CDK13: variants seen among roughly 807,000 people sequenced by gnomAD.
CDK13 encodes the protein cyclin-dependent kinase 13.
CDK13 carries 40 observed loss-of-function variants against 137.6 expected under a neutral mutation model. That is an observed-to-expected ratio of 0.29 (90% CI 0.23 to 0.38). The LOEUF (loss-of-function observed/expected upper bound fraction) is 0.38. Among genes scored for constraint, CDK13 ranks in the 10% least tolerant of loss-of-function variants. The pLI is 1.00. For missense variants in CDK13, 1,704 were observed against 1,951.8 expected, an observed-to-expected ratio of 0.87 and a Z score of 2.39; for synonymous variants, 869 against 760.1, an observed-to-expected ratio of 1.14 and a Z score of -2.36.
chr7:40,018,920 A>C (rs1277058698), intron 5 of CDK13, among the ~76,000 whole-genome samples: 1 of 152,234 alleles, frequency 6.6e-6, no homozygotes, highest in African/African-American at 2.4e-5. Context: ...AGGACTAGAT[A>C]TAGCTACAAG....
intron 7 of CDK13, 96 bp from the exon 8 acceptor site, chr7:40,062,730 A>T: frequency 1.2e-6 from 1 of 867,530 alleles, no homozygotes; most frequent in Non-Finnish European, 1.9e-6. Flanking sequence ...TTTAGTTAGG[A>T]TTATAGGGAT....
At chr7:40,051,669 A>G (rs545662223) in intron 7 of CDK13, among the ~76,000 whole-genome samples, 7 of 152,346 alleles carry the variant, frequency 4.6e-5, no homozygotes, top group South Asian at 4.1e-4. Context: ...CTGTAATAGC[A>G]TCAACCACAG....
chr7:40,044,786 A>G (rs1785698929), intron 5 of CDK13, among the ~76,000 whole-genome samples: 1 of 151,978 alleles, frequency 6.6e-6, no homozygotes. Flanking sequence ...ACAGGCATCC[A>G]CCACCATGCC....
intron 1 of CDK13, among the ~76,000 whole-genome samples, chr7:39,982,769 A>AT (rs1293122138): frequency 1.3e-5 from 2 of 152,312 alleles, no homozygotes; most frequent in African/African-American, 4.8e-5. Context: ...ATGGCCAGTG[A>AT]TGATGAGCAT....
At position 39,951,050 on chromosome 7, in the gene CDK13, G is replaced by T; in HGVS notation, c.409G>T (p.Gly137Cys). 7.8e-7 allele frequency: 1 copy of T among 1,283,912 alleles called. No homozygotes were observed. The highest frequency in any genetic ancestry group is 9.8e-7 in the Non-Finnish European group (1 of 1,017,526). 79.5% of individuals were successfully genotyped at this position (1,283,912 alleles called of 1,614,324 possible). The change falls in exon 1 of 14, where the codon GGC becomes TGC. Residue 137 changes from glycine to cysteine, a missense_variant. Physicochemically the swap from Gly to Cys is radical, Grantham distance 159. Coordinates refer to ENST00000181839, the MANE Select transcript of CDK13 (RefSeq NM_003718.5). ...QQDGGGGASS[G>C]GGVTPLVEYE... Reference sequence around the variant, plus strand: ...GGACGGCGGTGGCGGTGCTAGTAGCGGCGGGGGTGTGACCCCGCTGGTGGA... The same window carrying T: ...GGACGGCGGTGGCGGTGCTAGTAGCTGCGGGGGTGTGACCCCGCTGGTGGA...
intron 7 of CDK13, chr7:40,062,097 T>C (rs939872906): frequency 2.0e-5 from 3 of 152,214 alleles, no homozygotes; most frequent in African/African-American, 7.2e-5. Context: ...TTGAAAACTT[T>C]TGTTAGGTGG....
intron 7 of CDK13, among the ~76,000 whole-genome samples, chr7:40,055,816 A>G (rs1466054514): frequency 6.6e-6 from 1 of 152,142 alleles, no homozygotes; most frequent in Admixed American, 6.6e-5. Flanking sequence ...TCCTGGGCTC[A>G]AGCAATCCTT....
chr7:40,052,486 G>T (rs143744513), intron 7 of CDK13, among the ~76,000 whole-genome samples: 1 of 151,970 alleles, frequency 6.6e-6, no homozygotes, highest in Non-Finnish European at 1.5e-5. Flanking sequence ...CCTGAAAAAC[G>T]TATCTTTAAT....
chr7:40,060,299 A>C (rs1786113700), intron 7 of CDK13, among the ~76,000 whole-genome samples: 4 of 152,190 alleles, frequency 2.6e-5, no homozygotes, highest in Admixed American at 2.6e-4. Context: ...ATATTTTTTA[A>C]AGTAAAATAA....
At chr7:40,036,259 CTTAA>C (rs1785481073) in intron 5 of CDK13, among the ~76,000 whole-genome samples, 1 of 152,078 alleles carries the variant, frequency 6.6e-6, no homozygotes, top group South Asian at 2.1e-4. Context: ...AAATTTATCT[CTTAA>C]TTCAATTTAA....
intron 12 of CDK13, among the ~76,000 whole-genome samples, chr7:40,091,241 G>A (rs574895338): frequency 3.9e-5 from 6 of 152,298 alleles, no homozygotes; most frequent in Non-Finnish European, 7.4e-5. Flanking sequence ...CCAGCTACTC[G>A]GGAGGCTGAG....
chr7:39,977,654 A>G (rs1245972115), intron 1 of CDK13, among the ~76,000 whole-genome samples: 2 of 152,164 alleles, frequency 1.3e-5, no homozygotes, highest in Non-Finnish European at 2.9e-5. Context: ...ATATTTTGTG[A>G]TGGCTGGACA....
In CDK13 at chr7:40,010,774, T is replaced by C. The variant is rs536217943; in HGVS notation, c.2353+8743T>C. 5.3e-5 allele frequency among the ~76,000 whole-genome samples: 8 copies of C among 152,260 alleles called. No homozygotes were observed. The South Asian group carries it at 1.2e-3, about 24-fold the overall frequency. ...AACAGGCCACAGGCCAGTACTAGGA[T>C]TGGGGACCCCTGCACTAAAAAACTG... On this transcript the variant is annotated intron_variant, in intron 5 of 13. Transcript: ENST00000181839.
Position 40,094,776 on chromosome 7 carries a change from G to A in CDK13, c.4335G>A (p.Thr1445=), listed in dbSNP as rs779606280. 1.1e-5 allele frequency: 18 copies of A among 1,610,606 alleles called. No individual in the cohort carries two copies. The highest frequency in any genetic ancestry group is 2.7e-5 in the African/African-American group (2 of 74,808). ...AVLANSSDPS[T]GPESTHPLPA... is the part of the protein sequence containing the mutation. ...TGGCAAACAGCAGTGACCCTTCCAC[G>A]GGGCCAGAGAGTACTCATCCTTTGC... Residue 1445 remains threonine, a synonymous_variant, in exon 14 of 14, where the codon ACG becomes ACA. Coordinates refer to ENST00000181839, the MANE Select transcript of CDK13 (RefSeq NM_003718.5).
At chr7:40,030,104 C>T (rs1217096612) in intron 5 of CDK13, among the ~76,000 whole-genome samples, 1 of 152,150 alleles carries the variant, frequency 6.6e-6, no homozygotes, top group Non-Finnish European at 1.5e-5. Context: ...AGTAGCATCT[C>T]TTTTAAGTAC....
chr7:39,999,873 C>G lies in CDK13; in HGVS notation c.2182+373C>G, dbSNP rs371301117. On this transcript the variant is annotated intron_variant, in intron 4 of 13. Coordinates refer to ENST00000181839, the MANE Select transcript of CDK13 (RefSeq NM_003718.5). ...TGTCATAAGCCTTACACAACACTTT[C>G]ATTTAGCCTTCAGTTTTTTTTCCTG... Among the ~76,000 whole-genome samples, 59 of 120,564 alleles carry G rather than the reference C, an allele frequency of 4.9e-4. 1 individual carries two copies. In the South Asian group the frequency reaches 0.016, roughly 33 times the overall value. 79.1% of individuals were successfully genotyped at this position (120,564 alleles called of 152,430 possible).
chr7:39,963,423 T>C (rs1051869474), intron 1 of CDK13, among the ~76,000 whole-genome samples: 7 of 137,382 alleles, frequency 5.1e-5, no homozygotes, highest in Admixed American at 3.6e-4. Flanking sequence ...TGGCTCTCTG[T>C]TTGTCTGTTA....
At chr7:40,014,216 G>A (rs1784956484) in intron 5 of CDK13, among the ~76,000 whole-genome samples, 1 of 151,338 alleles carries the variant, frequency 6.6e-6, no homozygotes, top group African/African-American at 2.4e-5. Flanking sequence ...CTACAGGCAA[G>A]TGCTGCCACG....
chr7:40,056,807 A>G (rs1220212648), intron 7 of CDK13, among the ~76,000 whole-genome samples: 1 of 152,246 alleles, frequency 6.6e-6, no homozygotes, highest in Non-Finnish European at 1.5e-5. Flanking sequence ...TGTGAGATAC[A>G]TCCCTGCCTC....
Sources: gnomAD v4.1 joint callset for allele counts (sites outside exome capture counted in the v4.1 genomes callset) on GRCh38, gnomAD v4.1.1 for gene constraint, MANE v1.5 for transcripts, NCBI Gene and HGNC (gene_info 2026-07-23, HGNC 2026-07-21) for gene names.